Variants in GNB5 observed in about 807,000 individuals in gnomAD.
The protein encoded by GNB5 is G protein subunit beta 5.
In GNB5, 37 loss-of-function variants were observed where a neutral mutation model predicts 55.3. That is an observed-to-expected ratio of 0.67 (90% CI 0.51 to 0.88). The LOEUF is 0.88. Ranked by LOEUF, GNB5 falls within the 40% of genes least tolerant of loss-of-function variation. The pLI is 0.00. For synonymous variants in GNB5, 219 were observed against 198.5 expected (o/e 1.10, Z -0.87); for missense variants, 476 against 515.3 (o/e 0.92, Z 0.74).
At chr15:52,139,747 T>C (rs1484343353) in intron 7 of GNB5, 25 of 1,154,042 alleles carry the variant, frequency 2.2e-5, no homozygotes, top group Non-Finnish European at 2.8e-5. Context: ...CCCGCCGAGG[T>C]AGCCAGCTGT....
chr15:52,161,486 A>T (rs569355548), intron 3 of GNB5, among the ~76,000 whole-genome samples: 1 of 152,272 alleles, frequency 6.6e-6, no homozygotes, highest in East Asian at 1.9e-4. Flanking sequence ...TTTTTAGTAG[A>T]GATGGGGTTC....
chr15:52,145,079 CA>C (rs2033941864), intron 6 of GNB5, among the ~76,000 whole-genome samples: 1 of 152,160 alleles, frequency 6.6e-6, no homozygotes, highest in Non-Finnish European at 1.5e-5. Flanking sequence ...GTATCTGAAG[CA>C]AGGGGCAGTC....
At chr15:52,177,946 G>A (rs1182938489) in intron 3 of GNB5, among the ~76,000 whole-genome samples, 1 of 152,028 alleles carries the variant, frequency 6.6e-6, no homozygotes, top group Non-Finnish European at 1.5e-5. Flanking sequence ...ACTCTTGGCA[G>A]GACAAAAAAA....
chr15:52,162,308 C>T (rs981421155), intron 3 of GNB5, among the ~76,000 whole-genome samples: 2 of 152,176 alleles, frequency 1.3e-5, no homozygotes, highest in African/African-American at 4.8e-5. Flanking sequence ...TCAGGGAATA[C>T]TTTTGTTATT....
intron 12 of GNB5, 73 bp downstream of exon 12, chr15:52,124,400 C>A: frequency 7.9e-7 from 1 of 1,259,038 alleles, no homozygotes; most frequent in Non-Finnish European, 1.1e-6. Context: ...ATAGCCTTCC[C>A]TCTGCTTCAG....
chr15:52,117,102 A>ATATATATATTTTTTTTTTTTTT lies in GNB5; in HGVS notation c.*5654_*5655insAAAAAAAAAAAAAATATATATA. Reference sequence around the variant, plus strand: ...CCACGCCCAGCTAATATATATATATATTTTTTTTTAGTACAGACAGGGTTT... The same window carrying ATATATATATTTTTTTTTTTTTT: ...CCACGCCCAGCTAATATATATATATATATATATATTTTTTTTTTTTTTTTTTTTTTTAGTACAGACAGGGTTT... On this transcript the variant is annotated 3_prime_UTR_variant, in exon 13 of 13. Transcript: ENST00000261837. 27 of 87,100 alleles carry ATATATATATTTTTTTTTTTTTT rather than the reference A, an allele frequency of 3.1e-4. No homozygotes were observed. The South Asian group carries it at 3.4e-3, about 11-fold the overall frequency. The allele number at this position is 87,100 out of a possible 1,614,324, so 5.4% of individuals were successfully genotyped here. A position where few individuals can be genotyped will look rare whatever the true frequency, so the allele number is the denominator to read the frequency against.
chr15:52,133,391 T>C lies in GNB5; in HGVS notation c.850A>G (p.Ile284Val). The C allele has an allele frequency of 2.5e-6, 4 of 1,603,456 alleles. No individual in the cohort carries two copies. The highest frequency in any genetic ancestry group is 3.4e-6 in the Non-Finnish European group (4 of 1,170,192). Residue 284 changes from isoleucine to valine, a missense_variant, in exon 9 of 13, where the codon ATC (isoleucine) becomes GTC (valine). Transcript: ENST00000261837. ...CTACTCACTGACCGGACACTGTTGA[T>C]GTCAGATTCATGTGTTTCAAAGGCC... ...VQAFETHESD[I>V]NSVRYYPSGD...
chr15:52,146,508 A>G (rs2033979996), intron 6 of GNB5, among the ~76,000 whole-genome samples: 1 of 152,128 alleles, frequency 6.6e-6, no homozygotes, highest in Non-Finnish European at 1.5e-5. Flanking sequence ...CAATTCGTGT[A>G]CCACAATTCA....
At chr15:52,128,954 CTTTTTTTTTT>C (rs536792407) in intron 9 of GNB5, among the ~76,000 whole-genome samples, 1 of 127,058 alleles carries the variant, frequency 7.9e-6, no homozygotes, top group Non-Finnish European at 1.6e-5. Context: ...ATTGTTTCTC[CTTTTTTTTTT>C]TTTTTTTTTG....
intron 2 of GNB5, among the ~76,000 whole-genome samples, chr15:52,182,567 C>T (rs1172392239): frequency 1.3e-5 from 2 of 152,176 alleles, no homozygotes. Context: ...TTGGTGTTAA[C>T]TCCCACTGAG....
rs1270718110 is a variant in GNB5 at position 52,139,731 on chromosome 15, C to T, written c.627+1409G>A. 18 of 1,099,246 alleles carry T rather than the reference C, an allele frequency of 1.6e-5. No homozygotes were observed. The East Asian group carries it at 3.6e-4, about 22-fold the overall frequency. The allele number at this position is 1,099,246 out of a possible 1,614,324, so 68.1% of individuals were successfully genotyped here. A position where few individuals can be genotyped will look rare whatever the true frequency, so the allele number is the denominator to read the frequency against. On this transcript the variant is annotated intron_variant, in intron 7 of 12. Coordinates refer to ENST00000261837, the MANE Select transcript of GNB5 (RefSeq NM_016194.4). ...CCTTGACCTACCCTGCCTCCCAGGC[C>T]GCGTCCCCGCCGAGGTAGCCAGCTG...
chr15:52,169,555 A>AAAAAAAAAG (rs2034518451), intron 3 of GNB5, among the ~76,000 whole-genome samples: 2 of 149,854 alleles, frequency 1.3e-5, no homozygotes, highest in African/African-American at 4.9e-5. Flanking sequence ...AAAAAAAAAA[A>AAAAAAAAAG]AAAAAAAAGA....
Position 52,117,102 on chromosome 15 carries a change from A to ATATATATATATATATATATATATATTTTT in GNB5, c.*5654_*5655insAAAAATATATATATATATATATATATATA. On this transcript the variant is annotated 3_prime_UTR_variant, in exon 13 of 13. Coordinates refer to ENST00000261837, the MANE Select transcript of GNB5 (RefSeq NM_016194.4). ...CCACGCCCAGCTAATATATATATAT[A>ATATATATATATATATATATATATATTTTT]TTTTTTTTTAGTACAGACAGGGTTT... 4.5e-4 allele frequency: 39 copies of ATATATATATATATATATATATATATTTTT among 87,072 alleles called. 2 individuals are homozygous for ATATATATATATATATATATATATATTTTT. The highest frequency in any genetic ancestry group is 3.1e-3 in the South Asian group (8 of 2,622). 5.4% of individuals were successfully genotyped at this position (87,072 alleles called of 1,614,324 possible).
At chr15:52,139,739 C>T (rs2033807981) in intron 7 of GNB5, 6 of 1,144,178 alleles carry the variant, frequency 5.2e-6, no homozygotes, top group South Asian at 4.7e-5. Context: ...GCCGCGTCCC[C>T]GCCGAGGTAG....
At position 52,135,762 on chromosome 15, in the gene GNB5, C is replaced by A. The variant is rs772990576; in HGVS notation, c.628-6G>T. 1.2e-6 allele frequency: 2 copies of A among 1,611,672 alleles called. No homozygotes were observed. The highest frequency in any genetic ancestry group is 8.5e-7 in the Non-Finnish European group (1 of 1,179,726). ...TCGCCGCTCGCTGTCAGGATCTGCC[C>A]GCAGAAAAGGACAGGAAGTGGGTGG... On this transcript the variant is annotated splice_polypyrimidine_tract_variant and splice_region_variant and intron_variant, in intron 7 of 12. Transcript: ENST00000261837.
Position 52,122,649 on chromosome 15 carries a change from C to T in GNB5, c.*108G>A. 1 of 887,782 alleles carries T rather than the reference C, an allele frequency of 1.1e-6. No individual in the cohort carries two copies. The highest frequency in any genetic ancestry group is 2.4e-5 in the East Asian group (1 of 41,670). The allele number at this position is 887,782 out of a possible 1,614,324, so 55.0% of individuals were successfully genotyped here. A position where few individuals can be genotyped will look rare whatever the true frequency, so the allele number is the denominator to read the frequency against. On this transcript the variant is annotated 3_prime_UTR_variant, in exon 13 of 13. Coordinates refer to ENST00000261837, the MANE Select transcript of GNB5 (RefSeq NM_016194.4). Reference sequence around the variant, plus strand: ...AGTGACCTGTGAGCCATGGGTTGCTCCCCTAAGCTACACTGCAATAAACTC... The same window carrying T: ...AGTGACCTGTGAGCCATGGGTTGCTTCCCTAAGCTACACTGCAATAAACTC...
chr15:52,152,788 G>T (rs753611022), intron 4 of GNB5, among the ~76,000 whole-genome samples: 3 of 151,950 alleles, frequency 2.0e-5, no homozygotes, highest in Non-Finnish European at 4.4e-5. Flanking sequence ...GCACCACCAT[G>T]CCCAGCTGAT....
At chr15:52,184,511 T>C (rs374862765) in intron 2 of GNB5, 40 bp downstream of exon 2, 19 of 1,587,360 alleles carry the variant, frequency 1.2e-5, no homozygotes, top group Non-Finnish European at 1.4e-5. Flanking sequence ...GCTTGACTGT[T>C]TTAAGACAGA....
Position 52,135,754 on chromosome 15 carries a change from G to T in GNB5, c.630C>A (p.Ile210=). The part of the protein sequence containing the change: ...ACSFTNSDMQ[I]LTASGDGTCA... Reference sequence around the variant, plus strand: ...ATGTGCCATCGCCGCTCGCTGTCAGGATCTGCCCGCAGAAAAGGACAGGAA... The same window carrying T: ...ATGTGCCATCGCCGCTCGCTGTCAGTATCTGCCCGCAGAAAAGGACAGGAA... Residue 210 remains isoleucine, a splice_region_variant and synonymous_variant, in exon 8 of 13, where the codon ATC becomes ATA. Coordinates refer to ENST00000261837, the MANE Select transcript of GNB5 (RefSeq NM_016194.4). 1 of 1,611,968 alleles carries T rather than the reference G, an allele frequency of 6.2e-7. No homozygotes were observed. Among genetic ancestry groups the T allele is most frequent in the Non-Finnish European group, 8.5e-7 (1 of 1,179,780 alleles).
Sources: gnomAD v4.1 joint callset for allele counts (sites outside exome capture counted in the v4.1 genomes callset) on GRCh38, gnomAD v4.1.1 for gene constraint, MANE v1.5 for transcripts, NCBI Gene and HGNC (gene_info 2026-07-23, HGNC 2026-07-21) for gene names.